Variants in OPHN1 observed in about 807,000 individuals in gnomAD.
OPHN1 encodes oligophrenin 1.
Under a neutral mutation model 60.7 loss-of-function variants are expected in OPHN1, and 11 were observed. The observed-to-expected ratio is 0.18, with a 90% CI of 0.11 to 0.30. OPHN1 has a LOEUF of 0.30. OPHN1 is among the 10% of genes least tolerant of loss of function. OPHN1 has a pLI of 1.00. For missense variants in OPHN1, 449 were observed against 611.0 expected, an observed-to-expected ratio of 0.73 and a Z score of 2.80; for synonymous variants, 226 against 222.6, an observed-to-expected ratio of 1.02 and a Z score of -0.14.
chrX:68,053,927 T>G, intron 21 of OPHN1, 117 bp from the exon 22 acceptor site: 1 of 732,751 alleles, frequency 1.4e-6, no homozygotes, highest in South Asian at 2.5e-5. Flanking sequence ...CATTTCTTCT[T>G]GGTGACTAAC....
intron 15 of OPHN1, among the ~76,000 whole-genome samples, chrX:68,137,822 C>T (rs995595377): frequency 9.0e-6 from 1 of 111,536 alleles, no homozygotes. Flanking sequence ...GACCTAATCT[C>T]TTCTCCCCTG....
intron 2 of OPHN1, among the ~76,000 whole-genome samples, chrX:68,418,113 T>C (rs1265523851): frequency 2.7e-5 from 3 of 112,173 alleles, no homozygotes; most frequent in Non-Finnish European, 5.6e-5. Flanking sequence ...GCAAAAGAAC[T>C]GGTCCTAAAT....
chrX:68,374,150 G>A (rs2078543871), intron 2 of OPHN1, among the ~76,000 whole-genome samples: 1 of 109,978 alleles, frequency 9.1e-6, no homozygotes. Context: ...GAGGTCAAGA[G>A]ATCAAGACCA....
intron 15 of OPHN1, among the ~76,000 whole-genome samples, chrX:68,176,985 TA>T (rs1488983015): frequency 9.3e-6 from 1 of 107,499 alleles, no homozygotes; most frequent in African/African-American, 3.4e-5. Context: ...TATATATATA[TA>T]TATATATGCA....
chrX:68,253,720 T>G (rs143717007), intron 5 of OPHN1, among the ~76,000 whole-genome samples: 161 of 112,497 alleles, frequency 1.4e-3, no homozygotes, highest in African/African-American at 4.4e-3. Context: ...TTAAAGTGCC[T>G]GTAGAAGCTA....
intron 2 of OPHN1, among the ~76,000 whole-genome samples, chrX:68,378,050 G>C (rs1179756242): frequency 1.8e-5 from 2 of 111,944 alleles, no homozygotes. Flanking sequence ...CCCACCAACA[G>C]TGTAAAAGTG....
intron 2 of OPHN1, among the ~76,000 whole-genome samples, chrX:68,351,869 T>TC (rs2078413435): frequency 1.4e-5 from 1 of 73,218 alleles, no homozygotes; most frequent in African/African-American, 8.1e-5. Context: ...GCTAATTTTT[T>TC]TTTCTTTTTT....
chrX:68,109,179 C>T (rs1217859680), intron 18 of OPHN1, among the ~76,000 whole-genome samples: 1 of 110,990 alleles, frequency 9.0e-6, no homozygotes, highest in Non-Finnish European at 1.9e-5. Context: ...TTCTCATACC[C>T]CCACTTCCCA....
At chrX:68,151,555 A>C (rs2077285444) in intron 15 of OPHN1, among the ~76,000 whole-genome samples, 1 of 112,063 alleles carries the variant, frequency 8.9e-6, no homozygotes, top group Non-Finnish European at 1.9e-5. Context: ...AGGTGAACCC[A>C]GCATTGACAA....
In OPHN1 at chrX:68,432,814, A is replaced by G. The variant is rs1001539703; in HGVS notation, c.154+53T>C. 4.2e-6 allele frequency: 5 copies of G among 1,185,493 alleles called. No homozygotes were observed. In the African/African-American group the frequency reaches 5.3e-5, roughly 12 times the overall value. ...TTCCCCTGGTGGTGTGGAAAGGCTT[A>G]AAGGCCAGACACACCAGCTCAGAGA... On this transcript the variant is annotated intron_variant, in intron 2 of 24. Transcript: ENST00000355520.
intron 15 of OPHN1, among the ~76,000 whole-genome samples, chrX:68,120,143 A>T (rs772578235): frequency 9.0e-6 from 1 of 111,393 alleles, no homozygotes; most frequent in African/African-American, 3.3e-5. Context: ...AAAGACAGAG[A>T]CATAATCTTA....
intron 7 of OPHN1, among the ~76,000 whole-genome samples, chrX:68,212,455 C>T (rs1439815692): frequency 1.8e-5 from 2 of 110,967 alleles, no homozygotes; most frequent in Non-Finnish European, 3.8e-5. Context: ...CGTGGTGGCG[C>T]ACGCCTGTAA....
chrX:68,362,147 T>C (rs1326367779), intron 2 of OPHN1, among the ~76,000 whole-genome samples: 1 of 112,401 alleles, frequency 8.9e-6, no homozygotes. Flanking sequence ...GGTTTGCAAA[T>C]ATTTTATCCC....
chrX:68,419,511 C>G (rs945167758), intron 2 of OPHN1, among the ~76,000 whole-genome samples: 2 of 105,638 alleles, frequency 1.9e-5, no homozygotes, highest in African/African-American at 6.7e-5. Context: ...TACCATCCTA[C>G]TTTTCCTCTT....
At chrX:68,130,422 T>A (rs1168802158) in intron 15 of OPHN1, among the ~76,000 whole-genome samples, 1 of 111,700 alleles carries the variant, frequency 9.0e-6, no homozygotes, top group Non-Finnish European at 1.9e-5. Flanking sequence ...TTTTGGCAAA[T>A]CTACCCAAAG....
At chrX:68,103,658 G>A (rs900921570) in intron 18 of OPHN1, among the ~76,000 whole-genome samples, 1 of 110,467 alleles carries the variant, frequency 9.1e-6, no homozygotes, top group African/African-American at 3.3e-5. Context: ...ACTAGGTGTT[G>A]ATGGAACGTA....
intron 2 of OPHN1, among the ~76,000 whole-genome samples, chrX:68,391,382 T>C (rs1405389174): frequency 9.0e-6 from 1 of 111,458 alleles, no homozygotes; most frequent in Non-Finnish European, 1.9e-5. Context: ...ATATTTCACT[T>C]TGTGACAGAA....
intron 6 of OPHN1, among the ~76,000 whole-genome samples, chrX:68,225,145 G>T (rs181687379): frequency 8.9e-6 from 1 of 111,996 alleles, no homozygotes; most frequent in Non-Finnish European, 1.9e-5. Context: ...GTCTGAGAGC[G>T]AACTGCAAGG....
At chrX:68,165,723 T>C (rs1454018190) in intron 15 of OPHN1, among the ~76,000 whole-genome samples, 1 of 112,147 alleles carries the variant, frequency 8.9e-6, no homozygotes, top group Non-Finnish European at 1.9e-5. Flanking sequence ...AGTGCTTCAA[T>C]TTATATAAAT....
Sources: gnomAD v4.1 joint callset for allele counts (sites outside exome capture counted in the v4.1 genomes callset) on GRCh38, gnomAD v4.1.1 for gene constraint, MANE v1.5 for transcripts, NCBI Gene and HGNC (gene_info 2026-07-23, HGNC 2026-07-21) for gene names.